YAP1: variants seen among roughly 807,000 people sequenced by gnomAD.
YAP1 encodes the protein Yes1 associated transcriptional regulator.
A neutral mutation model predicts 56.9 loss-of-function variants in YAP1; 5 were observed. That is an observed-to-expected ratio of 0.09 (90% CI 0.05 to 0.18). The LOEUF is 0.18. Ranked by LOEUF, YAP1 falls within the 10% of genes least tolerant of loss-of-function variation. The probability of loss-of-function intolerance (pLI) is 1.00; values close to 1 mark genes in which losing one functional copy is unlikely to be tolerated. For synonymous variants in YAP1, 265 were observed against 248.1 expected, an observed-to-expected ratio of 1.07 and a Z score of -0.64; for missense variants, 539 against 651.8, an observed-to-expected ratio of 0.83 and a Z score of 1.88.
At chr11:102,145,211 T>G (rs1945262141) in intron 2 of YAP1, among the ~76,000 whole-genome samples, 1 of 152,172 alleles carries the variant, frequency 6.6e-6, no homozygotes, top group South Asian at 2.1e-4. Flanking sequence ...CCCTTCCTTT[T>G]CCTAAGAATA....
chr11:102,230,579 A>G lies in YAP1; in HGVS notation c.*639A>G, dbSNP rs1467447046. 3 of 152,606 alleles carry G rather than the reference A, an allele frequency of 2.0e-5. No homozygotes were observed. The highest frequency in any genetic ancestry group is 4.4e-5 in the Non-Finnish European group (3 of 68,050). 9.5% of individuals were successfully genotyped at this position (152,606 alleles called of 1,614,324 possible). ...GGCATGAGACAATTTCCATATAAAT[A>G]TATTAATTATTGCCACATACTCTAA... On this transcript the variant is annotated 3_prime_UTR_variant, in exon 9 of 9. Coordinates refer to ENST00000282441, the MANE Select transcript of YAP1 (RefSeq NM_001130145.3).
At chr11:102,175,019 G>T (rs545353874) in intron 3 of YAP1, among the ~76,000 whole-genome samples, 1 of 152,180 alleles carries the variant, frequency 6.6e-6, no homozygotes, top group Non-Finnish European at 1.5e-5. Context: ...TAGTAGTTTG[G>T]CAGAAGAATC....
chr11:102,154,931 T>C (rs903304032), intron 2 of YAP1, among the ~76,000 whole-genome samples: 22 of 152,206 alleles, frequency 1.4e-4, no homozygotes, highest in African/African-American at 4.8e-4. Context: ...ACATCAGATA[T>C]TATTTTATTT....
chr11:102,115,596 C>CT (rs1323425179), intron 2 of YAP1, among the ~76,000 whole-genome samples: 1 of 121,892 alleles, frequency 8.2e-6, no homozygotes. Context: ...CTTTTCTTTT[C>CT]TTCTTTTTTT....
At chr11:102,227,802 C>G (rs914796702) in intron 8 of YAP1, among the ~76,000 whole-genome samples, 2 of 152,154 alleles carry the variant, frequency 1.3e-5, no homozygotes, top group Non-Finnish European at 2.9e-5. Context: ...GGTGCAGTGG[C>G]TCATGCCTCT....
intron 2 of YAP1, among the ~76,000 whole-genome samples, chr11:102,159,662 A>G (rs1468679507): frequency 6.6e-6 from 1 of 152,150 alleles, no homozygotes; most frequent in Admixed American, 6.5e-5. Context: ...TTGCTTTTAT[A>G]TATGTTACTG....
chr11:102,123,629 TTTC>T lies in YAP1; in HGVS notation c.572+9238_572+9240del, dbSNP rs973309923. Among the ~76,000 whole-genome samples, 13 of 93,362 alleles carry T rather than the reference TTTC, an allele frequency of 1.4e-4. No individual in the cohort carries two copies. The South Asian group carries it at 1.7e-3, about 12-fold the overall frequency. The allele number at this position is 93,362 out of a possible 152,430, so 61.2% of individuals were successfully genotyped here. A position where few individuals can be genotyped will look rare whatever the true frequency, so the allele number is the denominator to read the frequency against. On this transcript the variant is annotated intron_variant, in intron 2 of 8. Coordinates refer to ENST00000282441, the MANE Select transcript of YAP1 (RefSeq NM_001130145.3). The stretch of plus-strand genomic sequence containing the variant: ...TTTTGATGGCATTACTCCGTTTTCT[TTTC>T]TTTTTTTTTTTTTCTTTTTTTTTTC...
chr11:102,130,720 CTTTTTT>C (rs61175592), intron 2 of YAP1, among the ~76,000 whole-genome samples: 4 of 98,114 alleles, frequency 4.1e-5, no homozygotes, highest in African/African-American at 7.0e-5. Flanking sequence ...GATAACTACT[CTTTTTT>C]TTTTTTTTTT....
At chr11:102,223,592 T>G (rs1412059134) in intron 6 of YAP1, 30 bp from the exon 7 acceptor site, 2 of 1,608,238 alleles carry the variant, frequency 1.2e-6, no homozygotes, top group Admixed American at 1.7e-5. Flanking sequence ...AATCAGTAGA[T>G]TGATTCTCTT....
intron 4 of YAP1, among the ~76,000 whole-genome samples, chr11:102,204,498 G>C (rs1443392816): frequency 6.6e-6 from 1 of 152,172 alleles, no homozygotes; most frequent in Non-Finnish European, 1.5e-5. Flanking sequence ...AATGTCAGTA[G>C]ACAATATGGA....
In YAP1 at chr11:102,192,600, C is replaced by T. The variant is rs1948352566; in HGVS notation, c.802+6469C>T. 2.0e-5 allele frequency among the ~76,000 whole-genome samples: 3 copies of T among 152,194 alleles called. 1 individual carries two copies. Among genetic ancestry groups the T allele is most frequent in the South Asian group, 4.1e-4 (2 of 4,828 alleles). ...TATAACCAACTGGATCAGAAAGATACCTAACTTCTCTTGACTCATCTGTAA... is the reference window on the plus strand; with the variant it reads ...TATAACCAACTGGATCAGAAAGATATCTAACTTCTCTTGACTCATCTGTAA... On this transcript the variant is annotated intron_variant, in intron 4 of 8. Transcript: ENST00000282441.
intron 2 of YAP1, among the ~76,000 whole-genome samples, chr11:102,144,540 T>C (rs1945207207): frequency 6.6e-6 from 1 of 152,188 alleles, no homozygotes; most frequent in Non-Finnish European, 1.5e-5. Flanking sequence ...AAATGAGAGC[T>C]CATGTATTGC....
At chr11:102,196,552 G>C (rs1045717090) in intron 4 of YAP1, among the ~76,000 whole-genome samples, 3 of 152,012 alleles carry the variant, frequency 2.0e-5, no homozygotes, top group Non-Finnish European at 4.4e-5. Context: ...GGTTGCCAGG[G>C]ACTGGGAGGA....
intron 2 of YAP1, among the ~76,000 whole-genome samples, chr11:102,134,071 G>A (rs954516108): frequency 6.6e-6 from 1 of 152,172 alleles, no homozygotes; most frequent in Non-Finnish European, 1.5e-5. Context: ...ATCTCCAAAT[G>A]TCAGCACATT....
At chr11:102,161,732 G>GC (rs1197970680) in intron 2 of YAP1, among the ~76,000 whole-genome samples, 1 of 152,098 alleles carries the variant, frequency 6.6e-6, no homozygotes, top group Non-Finnish European at 1.5e-5. Flanking sequence ...AGTACTTATT[G>GC]CAAGTTTGTA....
rs147785686 is a variant in YAP1, at chr11:102,155,138, T to C, written c.573-7318T>C. Among the ~76,000 whole-genome samples the C allele has an allele frequency of 8.1e-3, 1,236 of 152,308 alleles. 14 individuals are homozygous for C. Among genetic ancestry groups the C allele is most frequent in the Non-Finnish European group, 0.013 (874 of 68,016 alleles). ...AACTTAAATAAATCTAATGCCTTTC[T>C]ACCACTGTCCTGCCCTCTTTTCTGA... On this transcript the variant is annotated intron_variant, in intron 2 of 8. Coordinates refer to ENST00000282441, the MANE Select transcript of YAP1 (RefSeq NM_001130145.3).
intron 6 of YAP1, among the ~76,000 whole-genome samples, chr11:102,221,671 T>C (rs1949936567): frequency 6.6e-6 from 1 of 151,682 alleles, no homozygotes; most frequent in Non-Finnish European, 1.5e-5. Flanking sequence ...TGCAGTGAGC[T>C]ATAATTGCAT....
chr11:102,223,762 A>C lies in YAP1; in HGVS notation c.1163+10A>C. 6.2e-7 allele frequency: 1 copy of C among 1,613,322 alleles called. No homozygotes were observed. The highest frequency in any genetic ancestry group is 2.2e-5 in the East Asian group (1 of 44,850). ...ATCCTTTCCTTAACAGGTTGGTGAA[A>C]GTTGCTACTGGTGAATATCTGAAAA... is the stretch of plus-strand genomic sequence containing the variant. On this transcript the variant is annotated intron_variant, in intron 7 of 8. Transcript: ENST00000282441.
chr11:102,132,390 A>G (rs1944415735), intron 2 of YAP1, among the ~76,000 whole-genome samples: 1 of 152,200 alleles, frequency 6.6e-6, no homozygotes, highest in African/African-American at 2.4e-5. Flanking sequence ...AATTAATCTC[A>G]GTTTACTTTG....
Sources: gnomAD v4.1 joint callset for allele counts (sites outside exome capture counted in the v4.1 genomes callset) on GRCh38, gnomAD v4.1.1 for gene constraint, MANE v1.5 for transcripts, NCBI Gene and HGNC (gene_info 2026-07-23, HGNC 2026-07-21) for gene names.